MAGI1: variants seen among roughly 807,000 people sequenced by gnomAD.
The protein encoded by MAGI1 is membrane-associated guanylate kinase, WW and PDZ domain-containing protein 1.
Under a neutral mutation model 139.9 loss-of-function variants are expected in MAGI1, and 58 were observed. The observed-to-expected ratio is 0.41, with a 90% CI of 0.34 to 0.52. The LOEUF is 0.52. Ranked by LOEUF, MAGI1 falls within the 20% of genes least tolerant of loss-of-function variation. The pLI, the probability that MAGI1 is intolerant of heterozygous loss-of-function variation, is 0.12. For synonymous variants in MAGI1, 812 were observed against 737.9 expected (o/e 1.10, Z -1.63); for missense variants, 1,874 against 1,901.6 (o/e 0.99, Z 0.27).
At chr3:65,875,827 G>A (rs264701) in intron 1 of MAGI1, among the ~76,000 whole-genome samples, 12,564 of 152,142 alleles carry the variant, frequency 0.083, 1,725 homozygotes, top group African/African-American at 0.28. Flanking sequence ...GTCTCAGCTC[G>A]TTAAATTTTC....
chr3:65,398,120 C>T (rs1318677105), intron 13 of MAGI1, among the ~76,000 whole-genome samples: 1 of 152,016 alleles, frequency 6.6e-6, no homozygotes, highest in African/African-American at 2.4e-5. Flanking sequence ...GTGCTTCACA[C>T]CAAACCTGTT....
chr3:65,379,374 A>ACGCCGCTGCCCCCGCCGC lies in MAGI1; in HGVS notation c.2864_2881dup (p.Gly955_Gly960dup). On this transcript the variant is annotated inframe_insertion, in exon 17 of 23. Transcript: ENST00000402939. ...GTAGGGCTGCACCACGGTGCTGACC[A>ACGCCGCTGCCCCCGCCGC]CGCCGCTGCCCCCGCCGCCGCCACT... 3 of 1,612,520 alleles carry ACGCCGCTGCCCCCGCCGC rather than the reference A, an allele frequency of 1.9e-6. No individual in the cohort carries two copies. Among genetic ancestry groups the ACGCCGCTGCCCCCGCCGC allele is most frequent in the Middle Eastern group, 1.7e-4 (1 of 6,058 alleles).
At chr3:65,675,394 T>C (rs1374051489) in intron 1 of MAGI1, among the ~76,000 whole-genome samples, 2 of 152,136 alleles carry the variant, frequency 1.3e-5, no homozygotes, top group African/African-American at 2.4e-5. Flanking sequence ...TCTGCCAAAG[T>C]ATAAATGGTG....
chr3:65,801,508 T>C (rs1180730121), intron 1 of MAGI1, among the ~76,000 whole-genome samples: 2 of 152,180 alleles, frequency 1.3e-5, no homozygotes, highest in African/African-American at 2.4e-5. Context: ...AACAGCATTA[T>C]AGGCCAACTT....
chr3:65,475,102 T>TG (rs896127160), intron 4 of MAGI1, among the ~76,000 whole-genome samples: 3 of 151,938 alleles, frequency 2.0e-5, no homozygotes, highest in Non-Finnish European at 2.9e-5. Context: ...CAGGGATTAT[T>TG]GGGAAAAAAA....
chr3:65,790,632 T>C (rs2039695897), intron 1 of MAGI1, among the ~76,000 whole-genome samples: 1 of 152,106 alleles, frequency 6.6e-6, no homozygotes, highest in South Asian at 2.1e-4. Context: ...GAGTCAGCTG[T>C]AGAGGAAAAA....
chr3:65,968,144 A>T (rs2064847699), intron 1 of MAGI1, among the ~76,000 whole-genome samples: 1 of 152,208 alleles, frequency 6.6e-6, no homozygotes, highest in African/African-American at 2.4e-5. Context: ...AATTTTAGGC[A>T]TGTTCTTATA....
chr3:65,922,434 C>G (rs933363804), intron 1 of MAGI1, among the ~76,000 whole-genome samples: 3 of 150,810 alleles, frequency 2.0e-5, no homozygotes, highest in Admixed American at 2.0e-4. Context: ...GAGACATGGA[C>G]ACACACAGAA....
chr3:65,445,196 CTTTCA>C (rs1342409237), intron 7 of MAGI1, among the ~76,000 whole-genome samples: 4 of 152,160 alleles, frequency 2.6e-5, no homozygotes, highest in African/African-American at 9.6e-5. Context: ...AGCCTTAATT[CTTTCA>C]TTTATCTCTA....
At chr3:65,743,008 T>G (rs2035403738) in intron 1 of MAGI1, among the ~76,000 whole-genome samples, 2 of 152,038 alleles carry the variant, frequency 1.3e-5, no homozygotes, top group African/African-American at 4.8e-5. Context: ...TAAATAAACT[T>G]CATTCTATCA....
At chr3:65,697,074 C>G (rs966828410) in intron 1 of MAGI1, among the ~76,000 whole-genome samples, 2 of 152,054 alleles carry the variant, frequency 1.3e-5, no homozygotes, top group African/African-American at 2.4e-5. Context: ...TACAAACTAC[C>G]ATCAGAGAAT....
chr3:65,522,562 C>T (rs904955521), intron 2 of MAGI1, among the ~76,000 whole-genome samples: 3 of 152,108 alleles, frequency 2.0e-5, no homozygotes, highest in Admixed American at 6.5e-5. Flanking sequence ...CATCACTTAC[C>T]GGTTTAAAGT....
intron 2 of MAGI1, among the ~76,000 whole-genome samples, chr3:65,590,947 C>G (rs1026282646): frequency 1.3e-5 from 2 of 152,188 alleles, no homozygotes; most frequent in Non-Finnish European, 2.9e-5. Context: ...TTTAGTGGAA[C>G]AATTTGGGAG....
At chr3:65,760,384 G>A (rs912038429) in intron 1 of MAGI1, among the ~76,000 whole-genome samples, 8 of 140,548 alleles carry the variant, frequency 5.7e-5, no homozygotes, top group Non-Finnish European at 1.2e-4. Flanking sequence ...GTAACAGAGC[G>A]GTAATTTTTT....
chr3:65,407,015 T>C (rs1439537207), intron 12 of MAGI1, among the ~76,000 whole-genome samples: 2 of 152,288 alleles, frequency 1.3e-5, no homozygotes, highest in Non-Finnish European at 2.9e-5. Flanking sequence ...AATGCATAAT[T>C]CTAAATGTAG....
chr3:65,451,537 G>T (rs190826161), intron 6 of MAGI1, among the ~76,000 whole-genome samples: 52 of 152,198 alleles, frequency 3.4e-4, no homozygotes, highest in African/African-American at 9.9e-4. Flanking sequence ...ATACTTACTG[G>T]CTCAGCATTC....
At chr3:65,367,665 G>A (rs1186244454) in intron 18 of MAGI1, among the ~76,000 whole-genome samples, 2 of 152,258 alleles carry the variant, frequency 1.3e-5, no homozygotes, top group South Asian at 2.1e-4. Context: ...AGACACTGGG[G>A]TGTAGAAAAT....
At chr3:65,645,777 A>T (rs1448164336) in intron 1 of MAGI1, among the ~76,000 whole-genome samples, 1 of 152,114 alleles carries the variant, frequency 6.6e-6, no homozygotes, top group African/African-American at 2.4e-5. Context: ...TCAGCAATTC[A>T]GCCAAACTGG....
intron 14 of MAGI1, among the ~76,000 whole-genome samples, chr3:65,385,580 A>G (rs1943383680): frequency 6.6e-6 from 1 of 152,222 alleles, no homozygotes; most frequent in Non-Finnish European, 1.5e-5. Context: ...CACAAACTTA[A>G]AATGTATAGT....
Sources: allele counts gnomAD v4.1 joint callset (sites outside exome capture counted in the v4.1 genomes callset), GRCh38; gene constraint gnomAD v4.1.1; transcripts MANE v1.5; gene names NCBI Gene and HGNC (gene_info 2026-07-23, HGNC 2026-07-21).